Variants in CLDN10 observed in about 807,000 individuals in gnomAD.
CLDN10 encodes claudin-10.
Under a neutral mutation model 22.9 loss-of-function variants are expected in CLDN10, and 15 were observed. The ratio of observed to expected loss-of-function variants is 0.65; its 90% confidence interval spans 0.44 to 1.01. CLDN10 has a LOEUF of 1.01. CLDN10 is among the 50% of genes least tolerant of loss of function. The probability of loss-of-function intolerance (pLI) is 0.00; values close to 1 mark genes in which losing one functional copy is unlikely to be tolerated. For missense variants in CLDN10, 247 were observed against 287.8 expected (o/e 0.86, Z 1.03); for synonymous variants, 114 against 111.4 (o/e 1.02, Z -0.15).
intron 3 of CLDN10, among the ~76,000 whole-genome samples, chr13:95,569,327 T>C (rs896682528): frequency 6.6e-6 from 1 of 152,166 alleles, no homozygotes; most frequent in Non-Finnish European, 1.5e-5. Flanking sequence ...CTCATGCCTG[T>C]AATCCCAGCA....
intron 1 of CLDN10, among the ~76,000 whole-genome samples, chr13:95,491,616 G>T (rs1308234273): frequency 1.3e-5 from 2 of 151,462 alleles, no homozygotes; most frequent in Non-Finnish European, 2.9e-5. Context: ...CCTTTCTCTG[G>T]TCCCTCCCTG....
At chr13:95,475,176 C>G (rs1364634422) in intron 1 of CLDN10, among the ~76,000 whole-genome samples, 1 of 152,108 alleles carries the variant, frequency 6.6e-6, no homozygotes, top group Admixed American at 6.5e-5. Flanking sequence ...CAGACGGCAG[C>G]AGCTCCCTGC....
At chr13:95,447,515 C>T (rs1435636542) in intron 1 of CLDN10, among the ~76,000 whole-genome samples, 1 of 152,164 alleles carries the variant, frequency 6.6e-6, no homozygotes, top group Non-Finnish European at 1.5e-5. Flanking sequence ...GTCCCATACC[C>T]TAAATCCAGC....
At chr13:95,453,071 GT>G (rs1383041949) in intron 1 of CLDN10, among the ~76,000 whole-genome samples, 1 of 151,934 alleles carries the variant, frequency 6.6e-6, no homozygotes, top group Non-Finnish European at 1.5e-5. Context: ...ATGGTTTTTG[GT>G]TTTGTTTTGT....
chr13:95,576,241 T>C (rs1000911257), intron 3 of CLDN10, among the ~76,000 whole-genome samples: 2 of 152,156 alleles, frequency 1.3e-5, no homozygotes, highest in Admixed American at 6.5e-5. Flanking sequence ...TGTCTTGCCT[T>C]CTCCTGGACC....
intron 1 of CLDN10, among the ~76,000 whole-genome samples, chr13:95,467,985 T>A (rs1486282058): frequency 3.3e-5 from 5 of 152,228 alleles, no homozygotes; most frequent in Admixed American, 2.0e-4. Flanking sequence ...AACTGTAGGA[T>A]GAGGTCTACA....
intron 1 of CLDN10, among the ~76,000 whole-genome samples, chr13:95,540,078 T>C (rs1343344063): frequency 6.6e-6 from 1 of 152,092 alleles, no homozygotes; most frequent in Non-Finnish European, 1.5e-5. Flanking sequence ...GGTGGGTGGA[T>C]CACCTGAGGT....
chr13:95,475,063 G>A lies in CLDN10; in HGVS notation c.214+41016G>A, dbSNP rs1012881429. Among the ~76,000 whole-genome samples the A allele has an allele frequency of 2.0e-5, 3 of 152,154 alleles. No individual in the cohort carries two copies. The South Asian group carries it at 6.2e-4, about 32-fold the overall frequency. ...GAGTGAATTGGCTCCTCTCTGCTAA[G>A]GAGTCAAGGACACACATGCTGGTGC... On this transcript the variant is annotated intron_variant, in intron 1 of 4. Coordinates refer to the CLDN10 transcript ENST00000376873.
At chr13:95,518,867 G>C (rs2043197212) in intron 1 of CLDN10, among the ~76,000 whole-genome samples, 1 of 152,230 alleles carries the variant, frequency 6.6e-6, no homozygotes, top group African/African-American at 2.4e-5. Context: ...GTAACTCAAT[G>C]ATGTGATCAG....
At chr13:95,550,390 G>A (rs995423401), upstream of CLDN10, among the ~76,000 whole-genome samples, 4 of 152,166 alleles carry the variant, frequency 2.6e-5, no homozygotes, top group Admixed American at 6.5e-5. Flanking sequence ...GAGTCTTAAA[G>A]GTCACAGCAC....
chr13:95,484,326 C>T (rs183938486), intron 1 of CLDN10, among the ~76,000 whole-genome samples: 1 of 152,292 alleles, frequency 6.6e-6, no homozygotes, highest in East Asian at 1.9e-4. Context: ...GCACACCACT[C>T]GGCTATCATT....
At chr13:95,455,319 T>C (rs1055628700) in intron 1 of CLDN10, among the ~76,000 whole-genome samples, 4 of 152,262 alleles carry the variant, frequency 2.6e-5, no homozygotes, top group Non-Finnish European at 5.9e-5. Flanking sequence ...AAAAAGTGAT[T>C]TTGTTAGGCT....
At chr13:95,491,879 C>G (rs1460995686) in intron 1 of CLDN10, among the ~76,000 whole-genome samples, 3 of 152,146 alleles carry the variant, frequency 2.0e-5, no homozygotes, top group African/African-American at 7.2e-5. Flanking sequence ...AGTACACCCC[C>G]CTTTTTCCTG....
intron 1 of CLDN10, among the ~76,000 whole-genome samples, chr13:95,507,627 A>AAT (rs1491527134): frequency 5.0e-5 from 7 of 139,274 alleles, no homozygotes; most frequent in African/African-American, 1.9e-4. Context: ...AAAAAAAAAA[A>AAT]TTTTTTTTTT....
intron 1 of CLDN10, among the ~76,000 whole-genome samples, chr13:95,442,804 C>G (rs72649648): frequency 6.6e-6 from 1 of 152,202 alleles, no homozygotes; most frequent in Admixed American, 6.5e-5. Context: ...CTTAACTTCT[C>G]ATAGACTCAA....
In CLDN10 at chr13:95,532,674, T is replaced by C. The variant is rs966096751; in HGVS notation, c.215-27458T>C. ...ATGATAACATGTTCACAAAAAAACT[T>C]GTACAAGAATGTTCATAGCAGCTTT... On this transcript the variant is annotated intron_variant, in intron 1 of 4. Coordinates refer to the CLDN10 transcript ENST00000376873. 4.0e-5 allele frequency among the ~76,000 whole-genome samples: 6 copies of C among 150,386 alleles called. No individual in the cohort carries two copies. In the Admixed American group the frequency reaches 4.0e-4, roughly 10 times the overall value.
intron 3 of CLDN10, among the ~76,000 whole-genome samples, chr13:95,572,560 G>A (rs1281933684): frequency 6.6e-6 from 1 of 152,154 alleles, no homozygotes; most frequent in African/African-American, 2.4e-5. Flanking sequence ...AAAAGTCCTA[G>A]TACAATGAGC....
chr13:95,437,749 G>A (rs2042286072), intron 1 of CLDN10, among the ~76,000 whole-genome samples: 1 of 152,204 alleles, frequency 6.6e-6, no homozygotes, highest in Admixed American at 6.5e-5. Context: ...GAGGAAATGA[G>A]CGCAGGCAAC....
intron 3 of CLDN10, among the ~76,000 whole-genome samples, chr13:95,574,789 A>T (rs545793181): frequency 2.1e-4 from 32 of 152,202 alleles, no homozygotes; most frequent in African/African-American, 7.5e-4. Flanking sequence ...AAAGATACAT[A>T]AAAAAGGATA....
Sources: allele counts gnomAD v4.1 joint callset (sites outside exome capture counted in the v4.1 genomes callset), GRCh38; gene constraint gnomAD v4.1.1; transcripts MANE v1.5; gene names NCBI Gene and HGNC (gene_info 2026-07-23, HGNC 2026-07-21).